The following FNBP1 variants were observed in gnomAD, a reference collection of about 807,000 sequenced individuals.
FNBP1 encodes formin binding protein 1.
A neutral mutation model predicts 90.6 loss-of-function variants in FNBP1; 26 were observed. The ratio of observed to expected loss-of-function variants is 0.29; its 90% CI spans 0.21 to 0.40. The LOEUF (loss-of-function observed/expected upper bound fraction) is 0.40, where lower values mean the gene tolerates loss of function less well. Ranked by LOEUF, FNBP1 falls within the 10% of genes least tolerant of loss-of-function variation. The probability of loss-of-function intolerance (pLI) is 1.00; values close to 1 mark genes in which losing one functional copy is unlikely to be tolerated. For missense variants in FNBP1, 635 were observed against 768.0 expected (o/e 0.83, Z 2.05); for synonymous variants, 260 against 265.2 (o/e 0.98, Z 0.19).
intron 6 of FNBP1, among the ~76,000 whole-genome samples, chr9:129,948,425 C>T (rs1255853910): frequency 8.5e-6 from 1 of 117,184 alleles, no homozygotes; most frequent in Non-Finnish European, 1.6e-5. Flanking sequence ...AGTGCAGTGG[C>T]GTGATCTCGG....
At chr9:129,980,074 G>A (rs540826010) in intron 2 of FNBP1, among the ~76,000 whole-genome samples, 7 of 151,762 alleles carry the variant, frequency 4.6e-5, no homozygotes, top group East Asian at 1.9e-4. Context: ...AAAAATCAGA[G>A]TGCCGGCCGG....
chr9:130,042,854 C>G lies in FNBP1; in HGVS notation c.24+98G>C. ...GCGAGGACCCCGACCAGCGCGCCCT[C>G]GCCTCCGCCCAGCAGCGCGGCCCGC... On this transcript the variant is annotated intron_variant, in intron 1 of 16. Transcript: ENST00000446176. The surrounding 1 kb of genome is among the most constrained non-coding windows in gnomAD (Gnocchi z 5.5). The G allele has an allele frequency of 1.2e-6, 1 of 861,096 alleles. No individual in the cohort carries two copies. The highest frequency in any genetic ancestry group is 1.5e-6 in the Non-Finnish European group (1 of 653,686). The allele number at this position is 861,096 out of a possible 1,614,324, so 53.3% of individuals were successfully genotyped here. A position where few individuals can be genotyped will look rare whatever the true frequency, so the allele number is the denominator to read the frequency against.
At chr9:129,895,544 G>T in intron 16 of FNBP1, 1 of 1,224,774 alleles carries the variant, frequency 8.2e-7, no homozygotes, top group African/African-American at 1.6e-5. Flanking sequence ...TACAGATACC[G>T]CCAAAAGAAG....
At chr9:129,958,728 C>G (rs534308849) in intron 4 of FNBP1, among the ~76,000 whole-genome samples, 175 bp from the exon 5 acceptor site, 1 of 151,772 alleles carries the variant, frequency 6.6e-6, no homozygotes, top group Non-Finnish European at 1.5e-5. Flanking sequence ...CATCTGTAAT[C>G]CCAGAACCCT....
At chr9:129,962,647 C>T (rs1396421411) in intron 4 of FNBP1, among the ~76,000 whole-genome samples, 1 of 152,162 alleles carries the variant, frequency 6.6e-6, no homozygotes, top group Non-Finnish European at 1.5e-5. Flanking sequence ...CTGTTTTAAG[C>T]GCCTCTTTGC....
chr9:129,945,320 A>C (rs146944374), intron 6 of FNBP1, among the ~76,000 whole-genome samples: 1 of 152,348 alleles, frequency 6.6e-6, no homozygotes, highest in East Asian at 1.9e-4. Context: ...TTTTAAGCCT[A>C]AAAAGATTAA....
chr9:129,979,025 C>T (rs185446186), intron 3 of FNBP1, among the ~76,000 whole-genome samples: 24 of 152,276 alleles, frequency 1.6e-4, no homozygotes, highest in Non-Finnish European at 2.9e-4. Context: ...ACAGGGACTC[C>T]TGACAGTGCC....
chr9:130,027,430 T>C (rs2058443662), intron 1 of FNBP1, among the ~76,000 whole-genome samples: 1 of 152,226 alleles, frequency 6.6e-6, no homozygotes, highest in Admixed American at 6.5e-5. Context: ...ATGATTTCAT[T>C]TTATCTTTAA....
At position 129,890,213 on chromosome 9, in the gene FNBP1, G is replaced by C; in HGVS notation, c.*326C>G. 2.2e-6 allele frequency: 1 copy of C among 460,706 alleles called. No individual in the cohort carries two copies. Among genetic ancestry groups the C allele is most frequent in the Non-Finnish European group, 3.9e-6 (1 of 257,876 alleles). The allele number at this position is 460,706 out of a possible 1,614,324, so 28.5% of individuals were successfully genotyped here. Reference sequence around the variant, plus strand: ...GCGGAAGGGCTGCCAGGACGAGCCCGGGTGGACTGAGGGCCCAGGAAGGAG... The same window carrying C: ...GCGGAAGGGCTGCCAGGACGAGCCCCGGTGGACTGAGGGCCCAGGAAGGAG... On this transcript the variant is annotated 3_prime_UTR_variant, in exon 17 of 17. Coordinates refer to ENST00000446176, the MANE Select transcript of FNBP1 (RefSeq NM_015033.3). This position sits in a 1 kb window ranked among gnomAD's most constrained non-coding sequence, Gnocchi z 5.8.
intron 1 of FNBP1, among the ~76,000 whole-genome samples, chr9:130,040,078 C>T (rs1448483911): frequency 6.6e-6 from 1 of 152,168 alleles, no homozygotes; most frequent in East Asian, 1.9e-4. Flanking sequence ...CACTGCCCTC[C>T]GCTGGGCTAC....
chr9:129,991,263 G>A lies in FNBP1; in HGVS notation c.140+3580C>T, dbSNP rs1441659536. On this transcript the variant is annotated intron_variant, in intron 2 of 16. Coordinates refer to ENST00000446176, the MANE Select transcript of FNBP1 (RefSeq NM_015033.3). The stretch of plus-strand genomic sequence containing the variant: ...AGGTGAGTGGAGGAAAATCTAGGTC[G>A]TGGAAATGCAGATTTTTTTTTTTTT... Among the ~76,000 whole-genome samples the A allele has an allele frequency of 4.0e-5, 6 of 149,020 alleles. 1 individual carries two copies. The South Asian group carries it at 8.6e-4, about 21-fold the overall frequency.
intron 11 of FNBP1, 134 bp from the exon 12 acceptor site, chr9:129,909,133 C>T: frequency 1.4e-6 from 1 of 708,824 alleles, no homozygotes; most frequent in Non-Finnish European, 2.5e-6. Flanking sequence ...AGCTCTTTCC[C>T]ACTACACCCA....
At chr9:130,022,753 G>A (rs370974704) in intron 1 of FNBP1, among the ~76,000 whole-genome samples, 4 of 152,110 alleles carry the variant, frequency 2.6e-5, no homozygotes, top group South Asian at 2.1e-4. Flanking sequence ...GCTCACTGCC[G>A]CCTTGATCTC....
intron 5 of FNBP1, among the ~76,000 whole-genome samples, chr9:129,958,169 C>T (rs569177208): frequency 1.3e-5 from 2 of 152,250 alleles, no homozygotes; most frequent in South Asian, 2.1e-4. Flanking sequence ...CAGTGGCTCA[C>T]GCCTGTAATC....
Position 129,888,611 on chromosome 9 carries a change from C to T in FNBP1, c.*1928G>A, listed in dbSNP as rs1275982471. 1 of 232,950 alleles carries T rather than the reference C, an allele frequency of 4.3e-6. No homozygotes were observed. The highest frequency in any genetic ancestry group is 2.2e-5 in the African/African-American group (1 of 45,332). The allele number at this position is 232,950 out of a possible 1,614,324, so 14.4% of individuals were successfully genotyped here. A position where few individuals can be genotyped will look rare whatever the true frequency, so the allele number is the denominator to read the frequency against. ...GCAACCCTGAGCGGTTTGCAGTCCC[C>T]CCCGGGGAAGAAGCAGTCAGAGAGG... On this transcript the variant is annotated 3_prime_UTR_variant, in exon 17 of 17. Transcript: ENST00000446176.
intron 4 of FNBP1, among the ~76,000 whole-genome samples, chr9:129,973,531 C>T (rs1424980926): frequency 2.0e-5 from 3 of 152,182 alleles, no homozygotes; most frequent in Admixed American, 6.5e-5. Flanking sequence ...GACGGAGTCT[C>T]ACTCTGTCGC....
intron 1 of FNBP1, among the ~76,000 whole-genome samples, chr9:130,027,696 C>T (rs1174573724): frequency 6.6e-6 from 1 of 152,002 alleles, no homozygotes; most frequent in Non-Finnish European, 1.5e-5. Flanking sequence ...AACTGCTGGG[C>T]GTTAGAATCA....
At chr9:130,035,236 C>T (rs1005351594) in intron 1 of FNBP1, among the ~76,000 whole-genome samples, 4 of 152,188 alleles carry the variant, frequency 2.6e-5, no homozygotes, top group African/African-American at 9.7e-5. Flanking sequence ...GGCATCTCTT[C>T]TTGTAGCACC....
chr9:130,048,491 C>CTTTTTTTTTTTTTTTT, the FNBP1 span, among the ~76,000 whole-genome samples: 5 of 105,086 alleles, frequency 4.8e-5, no homozygotes, highest in Non-Finnish European at 5.5e-5. Context: ...CCTCAGTTTC[C>CTTTTTTTTTTTTTTTT]TTTTTTTTTT....
Sources: allele counts gnomAD v4.1 joint callset (sites outside exome capture counted in the v4.1 genomes callset), GRCh38; gene constraint gnomAD v4.1.1; non-coding constraint Gnocchi (gnomAD v3.1); transcripts MANE v1.5; gene names NCBI Gene and HGNC (gene_info 2026-07-23, HGNC 2026-07-21).